Variants in MTPAP observed in about 807,000 individuals in gnomAD.
MTPAP encodes poly(A) RNA polymerase, mitochondrial.
MTPAP carries 23 observed loss-of-function variants against 48.7 expected under a neutral mutation model. That is an observed-to-expected ratio of 0.47 (90% CI 0.34 to 0.67). MTPAP has a LOEUF of 0.67. Ranked by LOEUF, MTPAP falls within the 30% of genes least tolerant of loss-of-function variation. MTPAP has a pLI of 0.01. For synonymous variants in MTPAP, 257 were observed against 254.1 expected (o/e 1.01, Z -0.11); for missense variants, 614 against 694.3 (o/e 0.88, Z 1.30).
At chr10:30,349,026 C>A in intron 1 of MTPAP, 93 bp downstream of exon 1, 1 of 1,579,360 alleles carries the variant, frequency 6.3e-7, no homozygotes, top group South Asian at 1.1e-5. Context: ...GCCAAAGGGT[C>A]CACAGCCGTT....
chr10:30,317,704 CTGTT>C (rs1430699155), intron 6 of MTPAP, among the ~76,000 whole-genome samples: 1 of 152,112 alleles, frequency 6.6e-6, no homozygotes, highest in African/African-American at 2.4e-5. Flanking sequence ...TGCATTGTGA[CTGTT>C]TGTATGCTGT....
intron 6 of MTPAP, among the ~76,000 whole-genome samples, chr10:30,316,702 C>T (rs1840666945): frequency 6.6e-6 from 1 of 151,542 alleles, no homozygotes; most frequent in African/African-American, 2.4e-5. Context: ...CCAGCCTGGC[C>T]AATATGGTGA....
chr10:30,333,111 ACT>A (rs1277921467), intron 4 of MTPAP, among the ~76,000 whole-genome samples: 1 of 151,750 alleles, frequency 6.6e-6, no homozygotes, highest in Non-Finnish European at 1.5e-5. Flanking sequence ...ACAGAGCAAG[ACT>A]CTGTCTCAAA....
At chr10:30,324,893 G>A (rs1223261600) in intron 5 of MTPAP, among the ~76,000 whole-genome samples, 1 of 152,066 alleles carries the variant, frequency 6.6e-6, no homozygotes, top group Non-Finnish European at 1.5e-5. Context: ...GGCTGAGGCA[G>A]GAGAATTGAT....
chr10:30,336,656 GAATC>G (rs1204432688), intron 4 of MTPAP, 143 bp downstream of exon 4: 2 of 743,380 alleles, frequency 2.7e-6, no homozygotes, highest in Admixed American at 2.1e-5. Context: ...CTTCACCAAA[GAATC>G]AATAACAAAT....
chr10:30,348,949 C>T, intron 1 of MTPAP, 170 bp downstream of exon 1: 2 of 917,846 alleles, frequency 2.2e-6, no homozygotes, highest in South Asian at 1.6e-5. Flanking sequence ...TCAGCAACGG[C>T]GGCGACCCTG....
intron 8 of MTPAP, among the ~76,000 whole-genome samples, chr10:30,315,305 T>C (rs1840647895): frequency 6.6e-6 from 1 of 152,176 alleles, no homozygotes. Context: ...GGGTTTGTGT[T>C]TTATGAAGCC....
intron 5 of MTPAP, among the ~76,000 whole-genome samples, chr10:30,325,159 TTG>T (rs1291735355): frequency 6.6e-6 from 1 of 152,142 alleles, no homozygotes; most frequent in Non-Finnish European, 1.5e-5. Flanking sequence ...AAATGTAATT[TTG>T]TCCTATTTTA....
chr10:30,348,486 C>G (rs1834896517), intron 1 of MTPAP, among the ~76,000 whole-genome samples: 1 of 152,190 alleles, frequency 6.6e-6, no homozygotes, highest in Non-Finnish European at 1.5e-5. Flanking sequence ...TACACAAGCT[C>G]TTGAGTCACA....
intron 1 of MTPAP, among the ~76,000 whole-genome samples, chr10:30,343,933 T>C (rs1212178431): frequency 6.6e-6 from 1 of 152,184 alleles, no homozygotes; most frequent in East Asian, 1.9e-4. Flanking sequence ...TTAACATCAA[T>C]CTCTTATTTC....
At position 30,315,110 on chromosome 10, in the gene MTPAP, T is replaced by C. The variant is rs1840645790; in HGVS notation, c.1386+853A>G. On this transcript the variant is annotated intron_variant, in intron 8 of 8. Transcript: ENST00000263063. ...TGCTTGGCATCTCTGAGCTTTGGAG[T>C]ACAAAAAAGGTGACGAACTTTGTAT... Among the ~76,000 whole-genome samples, 3 of 152,250 alleles carry C rather than the reference T, an allele frequency of 2.0e-5. No individual in the cohort carries two copies. The South Asian group carries it at 6.2e-4, about 32-fold the overall frequency.
At position 30,340,361 on chromosome 10, in the gene MTPAP, A is replaced by T. The variant is rs1834786971; in HGVS notation, c.420T>A (p.Thr140=). ...AGAAACGTGATCTGAATGGAATTGC[A>T]GTCTCCATGGCCGTGCTTGGAGTAT... is the stretch of plus-strand genomic sequence containing the variant. ...GTHTPSTAME[T]AIPFRSRFFN... is the part of the protein sequence containing the mutation. The change falls in exon 3 of 9, where the codon ACT becomes ACA. Residue 140 remains threonine (T), a synonymous_variant. Transcript: ENST00000263063. 1 of 1,614,084 alleles carries T rather than the reference A, an allele frequency of 6.2e-7. No individual in the cohort carries two copies. The highest frequency in any genetic ancestry group is 1.1e-5 in the South Asian group (1 of 91,090).
Position 30,313,556 on chromosome 10 carries a change from T to A in MTPAP, c.*53A>T. 1.9e-6 allele frequency: 3 copies of A among 1,610,428 alleles called. No homozygotes were observed. The highest frequency in any genetic ancestry group is 2.5e-6 in the Non-Finnish European group (3 of 1,177,642). On this transcript the variant is annotated 3_prime_UTR_variant, in exon 9 of 9. Transcript: ENST00000263063. The stretch of plus-strand genomic sequence containing the variant: ...TTTCAAATCAGTTTTTCCAAGTAAG[T>A]CCACAGACCATTTGATAGGCTAAGC...
Position 30,341,592 on chromosome 10 carries a change from T to A in MTPAP, c.206A>T (p.Glu69Val). 6.2e-7 allele frequency: 1 copy of A among 1,614,168 alleles called. No homozygotes were observed. The highest frequency in any genetic ancestry group is 8.5e-7 in the Non-Finnish European group (1 of 1,180,014). Residue 69 changes from glutamate (E) to valine (V), a missense_variant, in exon 2 of 9, where the codon GAA becomes GTA. Physicochemically the swap from Glu to Val is moderately radical, Grantham distance 121. Coordinates refer to ENST00000263063, the MANE Select transcript of MTPAP (RefSeq NM_018109.4). ...PKRRFSEMQN[E>V]RREQAQRTVL... ...AGTCCGCTGTGCCTGTTCTCGTCTT[T>A]CATTTTGCATCTCAGAGAATCTCCT...
At position 30,313,665 on chromosome 10, in the gene MTPAP, T is replaced by C. The variant is rs768437884; in HGVS notation, c.1693A>G (p.Arg565Gly). 11 of 1,614,206 alleles carry C rather than the reference T, an allele frequency of 6.8e-6. No homozygotes were observed. Among genetic ancestry groups the C allele is most frequent in the East Asian group, 2.2e-5 (1 of 44,892 alleles). Residue 565 changes from arginine to glycine, a missense_variant, in exon 9 of 9, where the codon AGA (arginine) becomes GGA (glycine). This residue lies in a region of MTPAP where 109 missense variants were observed against 100.5 expected (regional missense o/e 1.08). Coordinates refer to ENST00000263063, the MANE Select transcript of MTPAP (RefSeq NM_018109.4). The stretch of plus-strand genomic sequence containing the variant: ...CTGGTTTTTGTGAAATTTTCTGTTC[T>C]GTTACCTTTTAAAGATTCTAGCAAG... ...KNLLESLKGN[R>G]TENFTKTSGK...
rs1184660002 is a variant in MTPAP, at chr10:30,322,328, T to C, written c.1219+63A>G. On this transcript the variant is annotated intron_variant, in intron 6 of 8. Coordinates refer to ENST00000263063, the MANE Select transcript of MTPAP (RefSeq NM_018109.4). Reference sequence around the variant, plus strand: ...AAATAGACGGGACTTTGGTAACACATGGTAATTATATTTACTCATAACATT... The same window carrying C: ...AAATAGACGGGACTTTGGTAACACACGGTAATTATATTTACTCATAACATT... 4 of 1,308,882 alleles carry C rather than the reference T, an allele frequency of 3.1e-6. No individual in the cohort carries two copies. In the African/African-American group the frequency reaches 4.4e-5, roughly 14 times the overall value. The allele number at this position is 1,308,882 out of a possible 1,614,324, so 81.1% of individuals were successfully genotyped here. A position where few individuals can be genotyped will look rare whatever the true frequency, so the allele number is the denominator to read the frequency against.
intron 5 of MTPAP, among the ~76,000 whole-genome samples, chr10:30,323,451 C>CAAAAAAAAAAAAAAAA (rs755342499): frequency 2.4e-5 from 2 of 84,720 alleles, no homozygotes; most frequent in Non-Finnish European, 2.0e-5. Flanking sequence ...GACCCTGCCT[C>CAAAAAAAAAAAAAAAA]AAAAAAAAAA....
In MTPAP at chr10:30,310,271, A is replaced by G. The variant is rs1840574869; in HGVS notation, c.*3338T>C. On this transcript the variant is annotated 3_prime_UTR_variant, in exon 9 of 9. Transcript: ENST00000263063. ...GTCTGTAGTCTATATTCAGTTGAACAGACTTTAAAACTGTGTATTAAAAGG... is the reference window on the plus strand; with the variant it reads ...GTCTGTAGTCTATATTCAGTTGAACGGACTTTAAAACTGTGTATTAAAAGG... 1 of 152,214 alleles carries G rather than the reference A, an allele frequency of 6.6e-6. No homozygotes were observed. The highest frequency in any genetic ancestry group is 2.4e-5 in the African/African-American group (1 of 41,460). The allele number at this position is 152,214 out of a possible 1,614,324, so 9.4% of individuals were successfully genotyped here.
intron 6 of MTPAP, among the ~76,000 whole-genome samples, chr10:30,320,262 T>C (rs1255336780): frequency 6.6e-6 from 1 of 151,928 alleles, no homozygotes; most frequent in Non-Finnish European, 1.5e-5. Flanking sequence ...GCACAGTGGC[T>C]CACGCCTGTA....
Sources: allele counts gnomAD v4.1 joint callset (sites outside exome capture counted in the v4.1 genomes callset), GRCh38; gene constraint gnomAD v4.1.1; regional missense constraint gnomAD v4.1.1; transcripts MANE v1.5; gene names NCBI Gene and HGNC (gene_info 2026-07-23, HGNC 2026-07-21).